ZNF610: variants seen among roughly 807,000 people sequenced by gnomAD.
ZNF610 encodes the protein zink finger protein.
Under a neutral mutation model 14.1 loss-of-function variants are expected in ZNF610, and 14 were observed. The ratio of observed to expected loss-of-function variants is 0.99; its 90% CI spans 0.65 to 1.55. The LOEUF (loss-of-function observed/expected upper bound fraction) is 1.55, where lower values mean the gene tolerates loss of function less well. Among genes scored for constraint, ZNF610 ranks in the 40% most tolerant of loss-of-function variants. ZNF610 has a pLI of 0.00. For synonymous variants in ZNF610, 185 were observed against 187.6 expected, an observed-to-expected ratio of 0.99 and a Z score of 0.11; for missense variants, 530 against 558.0, an observed-to-expected ratio of 0.95 and a Z score of 0.51.
At chr19:52,357,274 T>C (rs538283141) in intron 5 of ZNF610, among the ~76,000 whole-genome samples, 87 of 152,258 alleles carry the variant, frequency 5.7e-4, no homozygotes, top group African/African-American at 2.1e-3. Flanking sequence ...CCAAGAATTT[T>C]TGGAGGCTGA....
At chr19:52,354,453 C>T in intron 5 of ZNF610, 74 bp downstream of exon 5, 1 of 1,515,794 alleles carries the variant, frequency 6.6e-7, no homozygotes, top group Non-Finnish European at 8.9e-7. Context: ...GTTCCGCTAT[C>T]ACCCAGGCTG....
chr19:52,354,463 G>A (rs1985425962), intron 5 of ZNF610, 84 bp downstream of exon 5: 2 of 1,442,154 alleles, frequency 1.4e-6, no homozygotes, highest in Non-Finnish European at 1.9e-6. Context: ...CACCCAGGCT[G>A]TAGTGCAGTG....
intron 5 of ZNF610, among the ~76,000 whole-genome samples, chr19:52,360,659 G>A (rs1985732697): frequency 6.6e-6 from 1 of 151,884 alleles, no homozygotes; most frequent in Admixed American, 6.6e-5. Context: ...CATCTGATGA[G>A]CCTATCAAGT....
In ZNF610 at chr19:52,366,122, A is replaced by G; in HGVS notation, c.744A>G (p.Val248=). The change falls in exon 6 of 6, where the codon GTA becomes GTG. Residue 248 remains valine (V), a synonymous_variant. Coordinates refer to ENST00000403906, the MANE Select transcript of ZNF610 (RefSeq NM_001161425.2). ...GKVFSRNSHL[V]EHWRIHTGQK... ...TCTTCAGTCGCAATTCACACCTTGT[A>G]GAACATTGGAGAATTCATACTGGAC... 1 of 1,614,016 alleles carries G rather than the reference A, an allele frequency of 6.2e-7. No individual in the cohort carries two copies. The highest frequency in any genetic ancestry group is 8.5e-7 in the Non-Finnish European group (1 of 1,179,940).
intron 5 of ZNF610, among the ~76,000 whole-genome samples, chr19:52,359,745 T>A (rs1985692462): frequency 1.3e-5 from 2 of 152,162 alleles, no homozygotes; most frequent in South Asian, 2.1e-4. Context: ...TCTGACACTA[T>A]ACCTGGAGAT....
intron 4 of ZNF610, 43 bp downstream of exon 4, chr19:52,353,851 T>C: frequency 6.4e-7 from 1 of 1,568,698 alleles, no homozygotes; most frequent in Non-Finnish European, 8.6e-7. Context: ...TGCTCTAATC[T>C]GTCTTTGCAT....
rs1022729404 is a variant in ZNF610 at position 52,366,326 on chromosome 19, C to A, written c.948C>A (p.Tyr316Ter). 3.7e-6 allele frequency: 6 copies of A among 1,614,024 alleles called. No homozygotes were observed. In the African/African-American group the frequency reaches 6.7e-5, roughly 18 times the overall value. ...HLVIHTGEKP[Y>*]KCNECGKNFR... is the part of the protein sequence containing the mutation. ...TAATCCATACTGGAGAGAAACCTTA[C>A]AAATGTAATGAGTGTGGCAAGAACT... Residue 316 changes from tyrosine to a stop codon, truncating the protein, a stop_gained, in exon 6 of 6, where the codon TAC becomes TAA. Coordinates refer to ENST00000403906, the MANE Select transcript of ZNF610 (RefSeq NM_001161425.2). LOFTEE classifies it low-confidence loss of function (END_TRUNC).
chr19:52,349,100 A>AG, intron 2 of ZNF610, 54 bp from the exon 3 acceptor site: 1 of 1,314,376 alleles, frequency 7.6e-7, no homozygotes, highest in African/African-American at 1.4e-5. Flanking sequence ...GTTGTGGCAT[A>AG]GGGAGGGGAA....
chr19:52,340,689 AT>A (rs1312272488), intron 1 of ZNF610, among the ~76,000 whole-genome samples: 4 of 150,682 alleles, frequency 2.7e-5, no homozygotes, highest in Non-Finnish European at 5.9e-5. Context: ...TATTATTATT[AT>A]TATTATTTGA....
In ZNF610 at chr19:52,336,433, C is replaced by G. The variant is rs1445504344; in HGVS notation, c.-331C>G. On this transcript the variant is annotated 5_prime_UTR_variant, in exon 1 of 6. Transcript: ENST00000403906. The stretch of plus-strand genomic sequence containing the variant: ...TAAATTCAGGCGTCTCCGTGAGAGT[C>G]CGGCGCTCGCTTCCCTGTGTGTTAA... The G allele has an allele frequency of 2.2e-5, 4 of 178,758 alleles. No individual in the cohort carries two copies. The South Asian group carries it at 3.7e-4, about 17-fold the overall frequency. 11.1% of individuals were successfully genotyped at this position (178,758 alleles called of 1,614,324 possible). A position where few individuals can be genotyped will look rare whatever the true frequency, so the allele number is the denominator to read the frequency against.
At position 52,366,882 on chromosome 19, in the gene ZNF610, ATCAC is replaced by A. The variant is rs1374613229; in HGVS notation, c.*119_*122del. ...AGAATTTAGTTTGCATTGAAGCCTCATCACTCATCTCTTGATCCACACTGAAAGG... is the reference window on the plus strand; with the variant it reads ...AGAATTTAGTTTGCATTGAAGCCTCATCATCTCTTGATCCACACTGAAAGG... On this transcript the variant is annotated 3_prime_UTR_variant, in exon 6 of 6. Transcript: ENST00000403906. The A allele has an allele frequency of 1.3e-5, 10 of 747,712 alleles. No homozygotes were observed. Among genetic ancestry groups the A allele is most frequent in the Non-Finnish European group, 2.2e-5 (10 of 464,894 alleles). The allele number at this position is 747,712 out of a possible 1,614,324, so 46.3% of individuals were successfully genotyped here.
At chr19:52,349,361 C>G in intron 3 of ZNF610, 126 bp downstream of exon 3, 1 of 1,363,762 alleles carries the variant, frequency 7.3e-7, no homozygotes, top group African/African-American at 1.4e-5. Context: ...CGCTTAGATT[C>G]TATCTCTCGT....
At position 52,353,548 on chromosome 19, in the gene ZNF610, G is replaced by GT. The variant is rs775852807; in HGVS notation, c.64-134_64-133insT. On this transcript the variant is annotated intron_variant, in intron 3 of 5. Coordinates refer to ENST00000403906, the MANE Select transcript of ZNF610 (RefSeq NM_001161425.2). ...TTTTTGAATGTGAACATTTACTAGA[G>GT]ATTGGAATTGAAGTTTCTATGTTTT... The GT allele has an allele frequency of 2.5e-4, 238 of 938,170 alleles. 1 individual carries two copies. The highest frequency in any genetic ancestry group is 3.5e-4 in the Non-Finnish European group (223 of 642,302). 58.1% of individuals were successfully genotyped at this position (938,170 alleles called of 1,614,324 possible).
intron 3 of ZNF610, among the ~76,000 whole-genome samples, chr19:52,350,437 G>T (rs556571258): frequency 3.6e-4 from 55 of 152,272 alleles, no homozygotes; most frequent in African/African-American, 1.3e-3. Context: ...CAGCACTTTG[G>T]GAGGCCGAGG....
Position 52,336,322 on chromosome 19 carries a change from C to A in ZNF610, c.-442C>A. 1 of 289,324 alleles carries A rather than the reference C, an allele frequency of 3.5e-6. No homozygotes were observed. The highest frequency in any genetic ancestry group is 6.5e-6 in the Non-Finnish European group (1 of 153,720). The allele number at this position is 289,324 out of a possible 1,614,324, so 17.9% of individuals were successfully genotyped here. On this transcript the variant is annotated 5_prime_UTR_variant, in exon 1 of 6. Transcript: ENST00000403906. ...TCCCTTTGTTTAGATTCAATCTGGGCTTCCCAGCTCCCCCGCGCTTCTGTA... is the reference window on the plus strand; with the variant it reads ...TCCCTTTGTTTAGATTCAATCTGGGATTCCCAGCTCCCCCGCGCTTCTGTA...
intron 1 of ZNF610, among the ~76,000 whole-genome samples, chr19:52,341,750 C>T (rs1476881084): frequency 6.6e-6 from 1 of 152,132 alleles, no homozygotes; most frequent in Admixed American, 6.6e-5. Context: ...CCTCAGTCTC[C>T]CAAGTAGGTA....
chr19:52,357,218 G>A (rs897587483), intron 5 of ZNF610, among the ~76,000 whole-genome samples: 1 of 152,108 alleles, frequency 6.6e-6, no homozygotes, highest in African/African-American at 2.4e-5. Flanking sequence ...ATTCCACAGC[G>A]TATTTTAAAG....
chr19:52,349,080 T>C, intron 2 of ZNF610, 74 bp from the exon 3 acceptor site: 1 of 1,069,044 alleles, frequency 9.4e-7, no homozygotes, highest in Non-Finnish European at 1.4e-6. Context: ...AGGTCTAACC[T>C]GTGTGTGTGG....
rs909547056 is a variant in ZNF610 at position 52,336,281 on chromosome 19, C to T, written c.-483C>T. 1 of 277,260 alleles carries T rather than the reference C, an allele frequency of 3.6e-6. No homozygotes were observed. The highest frequency in any genetic ancestry group is 6.8e-6 in the Non-Finnish European group (1 of 146,614). The allele number at this position is 277,260 out of a possible 1,614,324, so 17.2% of individuals were successfully genotyped here. On this transcript the variant is annotated 5_prime_UTR_variant, in exon 1 of 6. Coordinates refer to ENST00000403906, the MANE Select transcript of ZNF610 (RefSeq NM_001161425.2). ...CGGATCGCGTGGGTAGAAGGTCACA[C>T]CGCAGCGCGTCAGTTTCCCTTTGTT...
Sources: allele counts gnomAD v4.1 joint callset (sites outside exome capture counted in the v4.1 genomes callset), GRCh38; gene constraint gnomAD v4.1.1; transcripts MANE v1.5; gene names NCBI Gene and HGNC (gene_info 2026-07-23, HGNC 2026-07-21).